Variants in ZNF331 observed in about 807,000 individuals in gnomAD.
ZNF331 encodes C2H2-like zinc finger protein rearranged in thyroid adenomas.
ZNF331 carries 2 observed loss-of-function variants against 7.0 expected under a neutral mutation model. The observed-to-expected ratio is 0.29, with a 90% CI of 0.12 to 0.90. ZNF331 has a LOEUF of 0.90. ZNF331 is among the 40% of genes least tolerant of loss of function. The probability of loss-of-function intolerance (pLI) is 0.58; values close to 1 mark genes in which losing one functional copy is unlikely to be tolerated. For synonymous variants in ZNF331, 196 were observed against 205.4 expected, an observed-to-expected ratio of 0.95 and a Z score of 0.39; for missense variants, 432 against 587.7, an observed-to-expected ratio of 0.74 and a Z score of 2.74.
upstream of ZNF331, among the ~76,000 whole-genome samples, chr19:53,535,201 T>TCTC (rs60379509): frequency 0.072 from 11,002 of 151,862 alleles, 528 homozygotes; most frequent in Non-Finnish European, 0.11. Flanking sequence ...GTTCAAGAGA[T>TCTC]CTGCCTCAGC....
chr19:53,514,967 A>T (rs1387099886), upstream of ZNF331, among the ~76,000 whole-genome samples: 2 of 152,112 alleles, frequency 1.3e-5, no homozygotes, highest in African/African-American at 4.8e-5. Flanking sequence ...CTCCTTGCCA[A>T]GTTAATTAAA....
chr19:53,504,846 TG>T, the ZNF331 span, among the ~76,000 whole-genome samples: 70 of 152,178 alleles, frequency 4.6e-4, no homozygotes, highest in Middle Eastern at 3.4e-3. Context: ...TTCACCGGTG[TG>T]GTTAGCGGAC....
upstream of ZNF331, among the ~76,000 whole-genome samples, chr19:53,535,211 C>T (rs1449551967): frequency 6.6e-6 from 1 of 151,910 alleles, no homozygotes; most frequent in Non-Finnish European, 1.5e-5. Context: ...TCTGCCTCAG[C>T]CTCCTGAGTA....
chr19:53,578,644 G>A lies in ZNF331; in HGVS notation c.*692G>A, dbSNP rs8110538. 151,060 of 204,484 alleles carry A rather than the reference G, an allele frequency of 0.74. 56,620 individuals carry two copies. The highest frequency in any genetic ancestry group is 0.89 in the African/African-American group (38,801 of 43,636). 12.7% of individuals were successfully genotyped at this position (204,484 alleles called of 1,614,324 possible). A position where few individuals can be genotyped will look rare whatever the true frequency, so the allele number is the denominator to read the frequency against. On this transcript the variant is annotated 3_prime_UTR_variant, in exon 6 of 6. Transcript: ENST00000449416. ...AAACGTACTATCTGTGGTTTCAGGTGTCCACTGCGGGTCTTCAAACGTACC... is the reference window on the plus strand; with the variant it reads ...AAACGTACTATCTGTGGTTTCAGGTATCCACTGCGGGTCTTCAAACGTACC...
At chr19:53,540,730 C>CTGCCCTGTGGGAGGTATTTTATGTCCT (rs1474580593) in intron 2 of ZNF331, among the ~76,000 whole-genome samples, 1 of 152,126 alleles carries the variant, frequency 6.6e-6, no homozygotes, top group Non-Finnish European at 1.5e-5. Context: ...GCCACCGAGC[C>CTGCCCTGTGGGAGGTATTTTATGTCCT]TGCCCTGTGG....
chr19:53,529,460 A>G (rs188194893), intron 2 of ZNF331, among the ~76,000 whole-genome samples: 1 of 152,276 alleles, frequency 6.6e-6, no homozygotes, highest in East Asian at 1.9e-4. Context: ...GATTGCATCA[A>G]TGACAGTGTC....
At chr19:53,556,115 C>A (rs994239864) in intron 3 of ZNF331, among the ~76,000 whole-genome samples, 2 of 151,152 alleles carry the variant, frequency 1.3e-5, no homozygotes, top group Admixed American at 1.3e-4. Flanking sequence ...TGGTGGTGGG[C>A]GCCTGTAGTC....
At chr19:53,518,664 ATAGAT>A (rs1286920163), upstream of ZNF331, among the ~76,000 whole-genome samples, 2 of 152,260 alleles carry the variant, frequency 1.3e-5, no homozygotes, top group African/African-American at 2.4e-5. Context: ...TATAAATGTT[ATAGAT>A]TAAACATTTC....
At chr19:53,523,146 C>T (rs2087151147) in intron 2 of ZNF331, 1 of 151,886 alleles carries the variant, frequency 6.6e-6, no homozygotes, top group South Asian at 2.1e-4. Context: ...TGAACATATC[C>T]ATCACCTCAC....
intron 3 of ZNF331, among the ~76,000 whole-genome samples, chr19:53,568,537 C>T (rs2090276120): frequency 6.6e-6 from 1 of 152,124 alleles, no homozygotes; most frequent in Non-Finnish European, 1.5e-5. Context: ...TACCCCGAAT[C>T]CCTTGATTAG....
rs566322622 is a variant in ZNF331, at chr19:53,579,873, C to T, written c.*1921C>T. The T allele has an allele frequency of 8.5e-5, 17 of 201,106 alleles. No homozygotes were observed. The East Asian group carries it at 9.3e-4, about 11-fold the overall frequency. 12.5% of individuals were successfully genotyped at this position (201,106 alleles called of 1,614,324 possible). On this transcript the variant is annotated 3_prime_UTR_variant, in exon 6 of 6. Coordinates refer to ENST00000449416, the MANE Select transcript of ZNF331 (RefSeq NM_001079906.2). ...AAGGTACACCTGACAAAGGAACTCT[C>T]ATAGAAAATATAAAGAATCCCTCAA...
the ZNF331 span, among the ~76,000 whole-genome samples, chr19:53,513,744 C>T: frequency 5.9e-5 from 9 of 152,128 alleles, no homozygotes; most frequent in Non-Finnish European, 7.4e-5. Context: ...CTCCGCCTTC[C>T]GGGGAGGCGT....
At chr19:53,519,948 C>G (rs755402417), upstream of ZNF331, among the ~76,000 whole-genome samples, 1 of 152,180 alleles carries the variant, frequency 6.6e-6, no homozygotes, top group Non-Finnish European at 1.5e-5. Flanking sequence ...CAAGAACGCT[C>G]TGGAGGCACA....
chr19:53,534,597 C>G (rs574376395), upstream of ZNF331, among the ~76,000 whole-genome samples: 1 of 152,068 alleles, frequency 6.6e-6, no homozygotes, highest in Admixed American at 6.6e-5. Context: ...TATCCTACAC[C>G]TTTAAACCCA....
chr19:53,569,398 TTC>T lies in ZNF331; in HGVS notation c.9+17_9+18del, dbSNP rs779324522. 9.9e-6 allele frequency: 16 copies of T among 1,613,798 alleles called. No individual in the cohort carries two copies. The highest frequency in any genetic ancestry group is 1.4e-5 in the Non-Finnish European group (16 of 1,179,862). On this transcript the variant is annotated intron_variant, in intron 4 of 5. Transcript: ENST00000449416. ...AACAATGGCCCAGGTAAGTGTATAT[TTC>T]TCTTTCCTTCTTGAGCTATGATATT...
chr19:53,567,410 A>G (rs2090208084), intron 3 of ZNF331, among the ~76,000 whole-genome samples: 1 of 152,138 alleles, frequency 6.6e-6, no homozygotes. Flanking sequence ...CTGAGCACCC[A>G]CTGTCTGATC....
At chr19:53,518,081 A>G (rs922869284), upstream of ZNF331, among the ~76,000 whole-genome samples, 1 of 152,148 alleles carries the variant, frequency 6.6e-6, no homozygotes, top group Non-Finnish European at 1.5e-5. Context: ...TGGAGAGAGG[A>G]AGACCCACCC....
the ZNF331 span, among the ~76,000 whole-genome samples, chr19:53,509,432 CA>C: frequency 0.11 from 16,242 of 152,138 alleles, 921 homozygotes; most frequent in South Asian, 0.13. Flanking sequence ...TGGGGTCTCT[CA>C]GAACAGATTG....
upstream of ZNF331, among the ~76,000 whole-genome samples, chr19:53,514,737 G>A (rs530757233): frequency 3.4e-5 from 5 of 144,972 alleles, no homozygotes; most frequent in East Asian, 8.5e-4. Context: ...TGCAAGCTCC[G>A]CCTCCCGGGT....
Sources: gnomAD v4.1 joint callset for allele counts (sites outside exome capture counted in the v4.1 genomes callset) on GRCh38, gnomAD v4.1.1 for gene constraint, MANE v1.5 for transcripts, NCBI Gene and HGNC (gene_info 2026-07-23, HGNC 2026-07-21) for gene names.